The following CHEK2 variants were observed in gnomAD, a reference collection of about 807,000 sequenced individuals.
CHEK2 encodes the protein checkpoint kinase 2, also known as serine/threonine-protein kinase Chk2.
A neutral mutation model predicts 69.1 loss-of-function variants in CHEK2; 71 were observed. That is an observed-to-expected ratio of 1.03 (90% CI 0.85 to 1.25). The LOEUF is 1.25. Ranked by LOEUF, CHEK2 falls within the 50% of genes most tolerant of loss-of-function variation. The pLI, the probability that CHEK2 is intolerant of heterozygous loss-of-function variation, is 0.00. For missense variants in CHEK2, 664 were observed against 649.6 expected (o/e 1.02, Z -0.24); for synonymous variants, 189 against 226.9 (o/e 0.83, Z 1.50).
intron 13 of CHEK2, among the ~76,000 whole-genome samples, chr22:28,690,986 ACT>A (rs2052340697): frequency 6.6e-6 from 1 of 151,104 alleles, no homozygotes; most frequent in African/African-American, 2.4e-5. Flanking sequence ...ACTTGAGGTC[ACT>A]CTGTTTTGAG....
intron 2 of CHEK2, among the ~76,000 whole-genome samples, chr22:28,725,679 A>G (rs974976644): frequency 6.6e-6 from 1 of 151,638 alleles, no homozygotes; most frequent in African/African-American, 2.4e-5. Flanking sequence ...TGGGCAACAT[A>G]GGGGGCACCC....
At chr22:28,710,625 TCAG>T (rs2053359183) in intron 6 of CHEK2, among the ~76,000 whole-genome samples, 3 of 152,178 alleles carry the variant, frequency 2.0e-5, no homozygotes, top group Non-Finnish European at 2.9e-5. Flanking sequence ...AGAGGAGGCT[TCAG>T]GGTACTAAAG....
At chr22:28,734,353 G>A (rs771904258) in intron 2 of CHEK2, 50 bp downstream of exon 2, 1 of 1,571,920 alleles carries the variant, frequency 6.4e-7, no homozygotes, top group African/African-American at 1.4e-5. Flanking sequence ...ACAACTTTCT[G>A]TAAGTGTTTT....
chr22:28,715,114 T>C (rs545056099), intron 5 of CHEK2, among the ~76,000 whole-genome samples: 13 of 152,312 alleles, frequency 8.5e-5, no homozygotes, highest in African/African-American at 3.1e-4. Context: ...TGAAATCAAA[T>C]GCTGACATTG....
intron 1 of CHEK2, 47 bp from the exon 2 acceptor site, chr22:28,734,774 G>C (rs1314991857): frequency 1.4e-6 from 2 of 1,471,016 alleles, no homozygotes; most frequent in African/African-American, 2.9e-5. Flanking sequence ...CAAGGCACAA[G>C]ACTTAAAATT....
Position 28,711,997 on chromosome 22 carries a change from T to A in CHEK2, c.704A>T (p.Lys235Met), listed in dbSNP as rs587782419. Residue 235 changes from lysine (K) to methionine (M), a missense_variant, in exon 6 of 15, where the codon AAG becomes ATG. Lys to Met is a moderately conservative substitution (Grantham distance 95). Coordinates refer to ENST00000404276, the MANE Select transcript of CHEK2 (RefSeq NM_007194.4). ...TLGSGACGEV[K>M]LAFERKTCKK... is the part of the protein sequence containing the mutation. ...ACATGTTTTCCTCTCGAAAGCCAGCTTTACCTCTCCACAGGCACCACTAGA... is the reference window on the plus strand; with the variant it reads ...ACATGTTTTCCTCTCGAAAGCCAGCATTACCTCTCCACAGGCACCACTAGA... 2 of 1,612,748 alleles carry A rather than the reference T, an allele frequency of 1.2e-6. No individual in the cohort carries two copies. The highest frequency in any genetic ancestry group is 8.5e-7 in the Non-Finnish European group (1 of 1,179,484).
intron 8 of CHEK2, among the ~76,000 whole-genome samples, chr22:28,701,775 G>A (rs2052859582): frequency 6.6e-6 from 1 of 152,140 alleles, no homozygotes; most frequent in African/African-American, 2.4e-5. Flanking sequence ...GTCCTGGATT[G>A]AAAGGACCCG....
intron 2 of CHEK2, among the ~76,000 whole-genome samples, chr22:28,728,972 C>T (rs563990997): frequency 5.3e-5 from 1 of 18,852 alleles, no homozygotes; most frequent in African/African-American, 1.2e-4. Flanking sequence ...GAGACCCTGT[C>T]TCAAAAAAAA....
chr22:28,716,833 A>G (rs958402933), intron 5 of CHEK2, among the ~76,000 whole-genome samples: 1 of 152,232 alleles, frequency 6.6e-6, no homozygotes, highest in African/African-American at 2.4e-5. Flanking sequence ...AAGACCTTGC[A>G]GGGCATCCAC....
intron 7 of CHEK2, among the ~76,000 whole-genome samples, chr22:28,707,618 A>T (rs6005842): frequency 0.048 from 7,346 of 152,220 alleles, 208 homozygotes; most frequent in Middle Eastern, 0.075. Flanking sequence ...ACTAGACTCT[A>T]CTTATTGTCC....
In CHEK2 at chr22:28,698,228, T is replaced by TAAA. The variant is rs398040472; in HGVS notation, c.1009-1244_1009-1242dup. Among the ~76,000 whole-genome samples the TAAA allele has an allele frequency of 4.9e-5, 4 of 81,898 alleles. 1 individual carries two copies. Among genetic ancestry groups the TAAA allele is most frequent in the Admixed American group, 2.8e-4 (2 of 7,052 alleles). 53.7% of individuals were successfully genotyped at this position (81,898 alleles called of 152,430 possible). ...CAACATGGTGAAACCCTATCTTTAC[T>TAAA]AAAAAAAAAAAAAAAAAAATTAGCT... On this transcript the variant is annotated intron_variant, in intron 9 of 14. Coordinates refer to ENST00000404276, the MANE Select transcript of CHEK2 (RefSeq NM_007194.4).
chr22:28,712,251 T>C (rs2053430751), intron 5 of CHEK2: 2 of 554,646 alleles, frequency 3.6e-6, no homozygotes, highest in Admixed American at 3.1e-5. Flanking sequence ...AATACAAACA[T>C]GGGTCTTACT....
intron 8 of CHEK2, 101 bp from the exon 9 acceptor site, chr22:28,700,038 A>G: frequency 1.3e-6 from 1 of 768,698 alleles, no homozygotes; most frequent in Non-Finnish European, 2.2e-6. Flanking sequence ...ACAAGCAAAC[A>G]GTTGACATTT....
chr22:28,692,541 AG>A (rs1221655508), intron 13 of CHEK2, among the ~76,000 whole-genome samples: 1 of 152,144 alleles, frequency 6.6e-6, no homozygotes, highest in African/African-American at 2.4e-5. Context: ...CAAAACTGTT[AG>A]GTGTAGAGGA....
intron 9 of CHEK2, among the ~76,000 whole-genome samples, chr22:28,697,305 G>T (rs1569116995): frequency 6.6e-6 from 1 of 152,088 alleles, no homozygotes; most frequent in Non-Finnish European, 1.5e-5. Context: ...AACAGAAAAT[G>T]TTTTGAGAAC....
intron 9 of CHEK2, 66 bp from the exon 10 acceptor site, chr22:28,697,053 C>T (rs2145819503): frequency 1.1e-6 from 1 of 944,618 alleles, no homozygotes; most frequent in Non-Finnish European, 1.7e-6. Context: ...ATCAAAGTTA[C>T]CAACACACAC....
intron 8 of CHEK2, 99 bp downstream of exon 8, chr22:28,703,406 G>GC: frequency 2.8e-6 from 2 of 723,466 alleles, no homozygotes; most frequent in East Asian, 2.7e-5. Context: ...ATACGTTGAG[G>GC]CCCCCCAGGA....
Position 28,728,612 on chromosome 22 carries a change from G to C in CHEK2, c.320-3245C>G, listed in dbSNP as rs369997418. ...AGCTACTCTGGAGGCTGAGGCACAA[G>C]AATCGTTTGAACCTGTGAGGCAGAG... On this transcript the variant is annotated intron_variant, in intron 2 of 14. Coordinates refer to ENST00000404276, the MANE Select transcript of CHEK2 (RefSeq NM_007194.4). Among the ~76,000 whole-genome samples the C allele has an allele frequency of 4.6e-5, 7 of 152,262 alleles. No individual in the cohort carries two copies. In the East Asian group the frequency reaches 7.7e-4, roughly 17 times the overall value.
rs1601852238 is a variant in CHEK2 at position 28,734,523 on chromosome 22, A to C, written c.199T>G (p.Ser67Ala). The change falls in exon 2 of 15, where the codon TCC becomes GCC. Residue 67 changes from serine to alanine, a missense_variant. Physicochemically the swap from Ser to Ala is moderately conservative, Grantham distance 99 (BLOSUM62 1). Coordinates refer to ENST00000404276, the MANE Select transcript of CHEK2 (RefSeq NM_007194.4). ...GGAATAGAATAGAGTTCCTGAGTGG[A>C]CACTGTCTCTAAGGAGCTCAGTGTC... ...SGTLSSLETV[S>A]TQELYSIPED... 6.2e-7 allele frequency: 1 copy of C among 1,614,034 alleles called. No individual in the cohort carries two copies. Among genetic ancestry groups the C allele is most frequent in the Non-Finnish European group, 8.5e-7 (1 of 1,180,016 alleles).
Sources: allele counts gnomAD v4.1 joint callset (sites outside exome capture counted in the v4.1 genomes callset), GRCh38; gene constraint gnomAD v4.1.1; transcripts MANE v1.5; gene names NCBI Gene and HGNC (gene_info 2026-07-23, HGNC 2026-07-21).